The following ELOVL6 variants were observed in gnomAD, a reference collection of about 807,000 sequenced individuals.
ELOVL6 encodes very long chain fatty acid elongase 6.
A neutral mutation model predicts 31.7 loss-of-function variants in ELOVL6; 8 were observed. The ratio of observed to expected loss-of-function variants is 0.25; its 90% CI spans 0.15 to 0.45. The LOEUF is 0.45. ELOVL6 is among the 20% of genes least tolerant of loss of function. The pLI, the probability that ELOVL6 is intolerant of heterozygous loss-of-function variation, is 1.00. For missense variants in ELOVL6, 126 were observed against 326.4 expected (o/e 0.39, Z 4.73); for synonymous variants, 101 against 117.7 (o/e 0.86, Z 0.92).
chr4:110,178,830 A>C (rs1759192979), intron 1 of ELOVL6, among the ~76,000 whole-genome samples: 2 of 152,140 alleles, frequency 1.3e-5, no homozygotes, highest in Admixed American at 1.3e-4. Flanking sequence ...CTGTCCTAAA[A>C]CAAACAAACA....
In ELOVL6 at chr4:110,129,263, C is replaced by T. The variant is rs552314559; in HGVS notation, c.90-23635G>A. 2.0e-5 allele frequency among the ~76,000 whole-genome samples: 3 copies of T among 152,280 alleles called. No individual in the cohort carries two copies. In the South Asian group the frequency reaches 6.2e-4, roughly 32 times the overall value. ...ATATTTCTCAAGTGAGACACATCTA[C>T]ACTGGATTGCTTTCTCTTCTTACCA... On this transcript the variant is annotated intron_variant, in intron 1 of 3. Transcript: ENST00000302274.
chr4:110,170,038 C>T (rs115486177), intron 1 of ELOVL6, among the ~76,000 whole-genome samples: 6,011 of 151,214 alleles, frequency 0.04, 179 homozygotes, highest in East Asian at 0.14. Flanking sequence ...TGGCCTCGAA[C>T]GCCTAACCTC....
chr4:110,163,614 G>GTCT (rs1758688190), intron 1 of ELOVL6, among the ~76,000 whole-genome samples: 1 of 152,204 alleles, frequency 6.6e-6, no homozygotes, highest in African/African-American at 2.4e-5. Flanking sequence ...AATGCTAGAA[G>GTCT]GGTGATATAC....
rs1422701942 is a variant in ELOVL6, at chr4:110,089,442, AT to A, written c.221+16054del. On this transcript the variant is annotated intron_variant, in intron 2 of 3. Transcript: ENST00000302274. Reference sequence around the variant, plus strand: ...TGACTGCAGGCTTGAGTCTGTGCAAATTTTAGTATCCTGGGTGGTTCTAGAC... The same window carrying A: ...TGACTGCAGGCTTGAGTCTGTGCAAATTTAGTATCCTGGGTGGTTCTAGAC... 2.0e-5 allele frequency among the ~76,000 whole-genome samples: 3 copies of A among 152,168 alleles called. No homozygotes were observed. In the East Asian group the frequency reaches 5.8e-4, roughly 29 times the overall value.
chr4:110,122,822 G>A (rs1005995286), intron 1 of ELOVL6, among the ~76,000 whole-genome samples: 8 of 152,248 alleles, frequency 5.3e-5, no homozygotes, highest in East Asian at 3.9e-4. Flanking sequence ...ACTTTCCTTC[G>A]CACATGCTGT....
At chr4:110,121,195 G>A (rs1757348890) in intron 1 of ELOVL6, among the ~76,000 whole-genome samples, 1 of 152,134 alleles carries the variant, frequency 6.6e-6, no homozygotes, top group Non-Finnish European at 1.5e-5. Context: ...ATCTTCAAAG[G>A]TAAAATTTAC....
Position 110,051,407 on chromosome 4 carries a change from A to T in ELOVL6, c.729T>A (p.Leu243=). The change falls in exon 4 of 4, where the codon CTT becomes CTA. Residue 243 remains leucine, a synonymous_variant. Transcript: ENST00000302274. The surrounding 1 kb of genome is among the most constrained non-coding windows in gnomAD (Gnocchi z 4.8). ...FWSSLMYLSY[L]VLFCHFFFEA... ...CAAAGAAGAAATGGCAGAAGAGCAC[A>T]AGGTAGCTGAGGTACATGAGTGAGG... 6.2e-7 allele frequency: 1 copy of T among 1,614,250 alleles called. No individual in the cohort carries two copies.
chr4:110,096,368 G>A (rs1756580800), intron 2 of ELOVL6, among the ~76,000 whole-genome samples: 1 of 152,184 alleles, frequency 6.6e-6, no homozygotes, highest in South Asian at 2.1e-4. Context: ...TTTCTCAAAA[G>A]GGGTCAAGAA....
In ELOVL6 at chr4:110,084,094, A is replaced by ACATGC. The variant is rs1756032054; in HGVS notation, c.221+21402_221+21403insGCATG. 2.3e-4 allele frequency among the ~76,000 whole-genome samples: 19 copies of ACATGC among 82,690 alleles called. 2 individuals carry two copies. Among genetic ancestry groups the ACATGC allele is most frequent in the African/African-American group, 7.8e-4 (16 of 20,434 alleles). 54.2% of individuals were successfully genotyped at this position (82,690 alleles called of 152,430 possible). A position where few individuals can be genotyped will look rare whatever the true frequency, so the allele number is the denominator to read the frequency against. On this transcript the variant is annotated intron_variant, in intron 2 of 3. Coordinates refer to ENST00000302274, the MANE Select transcript of ELOVL6 (RefSeq NM_024090.3). ...ATATATGCTATATATGATATATAAC[A>ACATGC]TATATATGATATATATGATATATAT...
chr4:110,155,329 T>C (rs1178903547), intron 1 of ELOVL6, among the ~76,000 whole-genome samples: 1 of 152,066 alleles, frequency 6.6e-6, no homozygotes, highest in Non-Finnish European at 1.5e-5. Flanking sequence ...TATTACATAT[T>C]ATATAGTTAT....
intron 1 of ELOVL6, among the ~76,000 whole-genome samples, chr4:110,192,300 C>T (rs966227074): frequency 3.9e-5 from 6 of 151,908 alleles, no homozygotes; most frequent in African/African-American, 1.5e-4. Context: ...TTGAAGTTTC[C>T]AGCCATTTTT....
rs1560814557 is a variant in ELOVL6, at chr4:110,084,210, A to ATATAACTTATATGATATATATAT, written c.221+21286_221+21287insATATATATATCATATAAGTTATA. ...ACATATAACTTATATGATATATATA[A>ATATAACTTATATGATATATATAT]CATATAACTTATATGATATATATAA... On this transcript the variant is annotated intron_variant, in intron 2 of 3. Coordinates refer to ENST00000302274, the MANE Select transcript of ELOVL6 (RefSeq NM_024090.3). Among the ~76,000 whole-genome samples the ATATAACTTATATGATATATATAT allele has an allele frequency of 2.4e-3, 164 of 69,276 alleles. 15 individuals carry two copies. Among genetic ancestry groups the ATATAACTTATATGATATATATAT allele is most frequent in the African/African-American group, 0.013 (161 of 12,098 alleles). 45.4% of individuals were successfully genotyped at this position (69,276 alleles called of 152,430 possible).
chr4:110,132,472 G>A (rs551432907), intron 1 of ELOVL6, among the ~76,000 whole-genome samples: 3 of 151,032 alleles, frequency 2.0e-5, no homozygotes, highest in Admixed American at 6.6e-5. Flanking sequence ...AGAGGCAAAA[G>A]AGAGGGTAAG....
intron 1 of ELOVL6, among the ~76,000 whole-genome samples, chr4:110,181,801 C>G (rs1452902180): frequency 1.3e-5 from 2 of 152,138 alleles, no homozygotes; most frequent in Admixed American, 1.3e-4. Flanking sequence ...TGTGGAAAGC[C>G]CTGTCACATT....
Position 110,090,600 on chromosome 4 carries a change from C to CTTTTTTTTTTTTTTT in ELOVL6, c.221+14882_221+14896dup, listed in dbSNP as rs544234717. Among the ~76,000 whole-genome samples, 30 of 103,720 alleles carry CTTTTTTTTTTTTTTT rather than the reference C, an allele frequency of 2.9e-4. 5 individuals are homozygous for CTTTTTTTTTTTTTTT. The highest frequency in any genetic ancestry group is 1.2e-3 in the African/African-American group (28 of 23,394). The allele number at this position is 103,720 out of a possible 152,430, so 68.0% of individuals were successfully genotyped here. On this transcript the variant is annotated intron_variant, in intron 2 of 3. Transcript: ENST00000302274. ...GGAACTTACAGGAAAGTTTGACTTT[C>CTTTTTTTTTTTTTTT]TTTTTTTTTTTTTTTTTTTTCATGA...
intron 1 of ELOVL6, among the ~76,000 whole-genome samples, chr4:110,119,390 C>T (rs1364964849): frequency 3.9e-5 from 6 of 152,212 alleles, no homozygotes; most frequent in Admixed American, 2.0e-4. Flanking sequence ...AATCTTCTAA[C>T]AAAATATTAA....
intron 1 of ELOVL6, among the ~76,000 whole-genome samples, chr4:110,140,537 G>A (rs1757925434): frequency 6.6e-6 from 1 of 152,028 alleles, no homozygotes. Flanking sequence ...GGGACTACAA[G>A]CGTCATGCCA....
chr4:110,115,822 G>A (rs577033511), intron 1 of ELOVL6, among the ~76,000 whole-genome samples: 1 of 152,222 alleles, frequency 6.6e-6, no homozygotes, highest in Non-Finnish European at 1.5e-5. Context: ...AGTCTTACGG[G>A]GCTAAAATCA....
intron 2 of ELOVL6, among the ~76,000 whole-genome samples, chr4:110,060,276 A>T (rs1755101449): frequency 6.6e-6 from 1 of 152,118 alleles, no homozygotes; most frequent in Non-Finnish European, 1.5e-5. Flanking sequence ...CAGTCTCCAA[A>T]TCACTTTCTA....
Sources: gnomAD v4.1 joint callset for allele counts (sites outside exome capture counted in the v4.1 genomes callset) on GRCh38, gnomAD v4.1.1 for gene constraint, Gnocchi (gnomAD v3.1) non-coding constraint, MANE v1.5 for transcripts, NCBI Gene and HGNC (gene_info 2026-07-23, HGNC 2026-07-21) for gene names.